Variants in KCNH1 observed in about 807,000 individuals in gnomAD.
KCNH1 encodes voltage-gated delayed rectifier potassium channel KCNH1.
KCNH1 carries 27 observed loss-of-function variants against 69.2 expected under a neutral mutation model. The observed-to-expected ratio is 0.39, with a 90% confidence interval of 0.29 to 0.54. The LOEUF (loss-of-function observed/expected upper bound fraction) is 0.54, where lower values mean the gene tolerates loss of function less well. Among genes scored for constraint, KCNH1 ranks in the 20% least tolerant of loss-of-function variants. The probability of loss-of-function intolerance (pLI) is 0.68; values close to 1 mark genes in which losing one functional copy is unlikely to be tolerated. For missense variants in KCNH1, 798 were observed against 1,261.6 expected (o/e 0.63, Z 5.57); for synonymous variants, 456 against 487.7 (o/e 0.93, Z 0.86).
intron 5 of KCNH1, among the ~76,000 whole-genome samples, chr1:211,066,286 C>T (rs140348020): frequency 2.0e-5 from 3 of 152,044 alleles, no homozygotes; most frequent in Non-Finnish European, 4.4e-5. Flanking sequence ...TAAACTAATA[C>T]TTGTTGAAGA....
intron 7 of KCNH1, among the ~76,000 whole-genome samples, chr1:210,847,347 T>C (rs530141772): frequency 3.3e-5 from 5 of 152,202 alleles, no homozygotes; most frequent in African/African-American, 7.2e-5. Context: ...CCAACAACGA[T>C]AGACTGGATT....
chr1:210,700,074 A>T (rs947685298), intron 10 of KCNH1, among the ~76,000 whole-genome samples: 3 of 152,142 alleles, frequency 2.0e-5, no homozygotes, highest in Non-Finnish European at 4.4e-5. Flanking sequence ...CTGCCCCTTG[A>T]AAATCAGGCA....
chr1:210,687,409 T>C (rs1305813323), intron 10 of KCNH1, among the ~76,000 whole-genome samples: 1 of 152,212 alleles, frequency 6.6e-6, no homozygotes, highest in Non-Finnish European at 1.5e-5. Flanking sequence ...GGTGGAACCA[T>C]GGGTCTCTGG....
intron 6 of KCNH1, among the ~76,000 whole-genome samples, chr1:210,961,023 A>G (rs556373361): frequency 9.2e-5 from 14 of 152,184 alleles, no homozygotes; most frequent in Admixed American, 7.9e-4. Context: ...TCTCTTGAAC[A>G]TATACAATGC....
intron 6 of KCNH1, among the ~76,000 whole-genome samples, chr1:210,975,665 A>C (rs964069750): frequency 6.6e-6 from 1 of 152,330 alleles, no homozygotes; most frequent in East Asian, 1.9e-4. Flanking sequence ...AAACCTAGGC[A>C]ACACCATTCA....
chr1:210,873,954 G>C (rs1686309622), intron 7 of KCNH1, among the ~76,000 whole-genome samples: 1 of 152,156 alleles, frequency 6.6e-6, no homozygotes, highest in Admixed American at 6.6e-5. Flanking sequence ...ATGCAGTCAA[G>C]TTTGAGTCAC....
chr1:210,967,061 A>T (rs2102362810), intron 6 of KCNH1, among the ~76,000 whole-genome samples: 1 of 147,052 alleles, frequency 6.8e-6, no homozygotes, highest in East Asian at 2.1e-4. Flanking sequence ...TTCATGTCAA[A>T]CTAACACAAG....
rs370887405 is a variant in KCNH1 at position 211,071,212 on chromosome 1, C to T, written c.558+11568G>A. ...TAGTCTGTCTGAAATGGCAGGCAAC[C>T]GCAGCTGCAGACCCCAATCTATGAT... On this transcript the variant is annotated intron_variant, in intron 5 of 10. Coordinates refer to ENST00000271751, the MANE Select transcript of KCNH1 (RefSeq NM_172362.3). 5.1e-4 allele frequency among the ~76,000 whole-genome samples: 78 copies of T among 152,226 alleles called. 1 individual carries two copies. In the South Asian group the frequency reaches 0.012, roughly 24 times the overall value.
At chr1:211,070,704 A>G (rs1162847847) in intron 5 of KCNH1, among the ~76,000 whole-genome samples, 1 of 151,426 alleles carries the variant, frequency 6.6e-6, no homozygotes, top group Non-Finnish European at 1.5e-5. Context: ...GGTGCCTGTA[A>G]TCCCAGCTAC....
At chr1:210,826,855 T>C (rs897321803) in intron 7 of KCNH1, among the ~76,000 whole-genome samples, 2 of 152,188 alleles carry the variant, frequency 1.3e-5, no homozygotes, top group African/African-American at 2.4e-5. Context: ...TCCCCTCCTA[T>C]CCAGGCTGTG....
At chr1:211,002,673 CA>C (rs1361159599) in intron 6 of KCNH1, among the ~76,000 whole-genome samples, 1 of 151,720 alleles carries the variant, frequency 6.6e-6, no homozygotes, top group African/African-American at 2.4e-5. Context: ...ACACAATAAC[CA>C]AAATTAAGAA....
chr1:210,871,441 T>C (rs1010463724), intron 7 of KCNH1, among the ~76,000 whole-genome samples: 4 of 152,216 alleles, frequency 2.6e-5, no homozygotes, highest in African/African-American at 9.6e-5. Flanking sequence ...GGAACACTTT[T>C]ACACTGTTGG....
intron 7 of KCNH1, among the ~76,000 whole-genome samples, chr1:210,853,965 A>AAAAAAAAAAAAAAAAAAC (rs1685771204): frequency 1.3e-5 from 2 of 150,706 alleles, no homozygotes. Context: ...AAAAAAAAAA[A>AAAAAAAAAAAAAAAAAAC]AAAGAAACCA....
intron 7 of KCNH1, among the ~76,000 whole-genome samples, chr1:210,882,559 C>T (rs1380351457): frequency 6.6e-6 from 1 of 152,148 alleles, no homozygotes; most frequent in Non-Finnish European, 1.5e-5. Context: ...GCTCACATGA[C>T]AAACCCACCT....
At chr1:210,806,922 G>A (rs150050062) in intron 7 of KCNH1, among the ~76,000 whole-genome samples, 6 of 141,160 alleles carry the variant, frequency 4.3e-5, no homozygotes, top group Admixed American at 1.4e-4. Context: ...CAGGAGAATC[G>A]CTTGAACCCA....
chr1:210,965,605 C>G (rs1433644896), intron 6 of KCNH1, among the ~76,000 whole-genome samples: 2 of 151,912 alleles, frequency 1.3e-5, no homozygotes, highest in Non-Finnish European at 2.9e-5. Flanking sequence ...TACACAGAGT[C>G]AAATCTTGAG....
intron 1 of KCNH1, among the ~76,000 whole-genome samples, chr1:211,127,237 G>A (rs1396759438): frequency 1.3e-5 from 2 of 152,062 alleles, no homozygotes; most frequent in South Asian, 2.1e-4. Flanking sequence ...ATTTTCCATT[G>A]AGTTTTGATT....
At chr1:210,901,571 C>T (rs1232376516) in intron 7 of KCNH1, among the ~76,000 whole-genome samples, 1 of 151,998 alleles carries the variant, frequency 6.6e-6, no homozygotes, top group East Asian at 1.9e-4. Flanking sequence ...ATAATGGGAA[C>T]CTGAAGAAGT....
chr1:211,106,068 C>A (rs1691342467), intron 2 of KCNH1, among the ~76,000 whole-genome samples: 1 of 152,074 alleles, frequency 6.6e-6, no homozygotes, highest in South Asian at 2.1e-4. Flanking sequence ...AGTAAAAATG[C>A]AACTTCTGAA....
Sources: allele counts gnomAD v4.1 joint callset (sites outside exome capture counted in the v4.1 genomes callset), GRCh38; gene constraint gnomAD v4.1.1; transcripts MANE v1.5; gene names NCBI Gene and HGNC (gene_info 2026-07-23, HGNC 2026-07-21).